Variants in IAPP observed in about 807,000 individuals in gnomAD.
The protein encoded by IAPP is islet amyloid polypeptide.
In IAPP, 4 loss-of-function variants were observed where a neutral mutation model predicts 2.9. The ratio of observed to expected loss-of-function variants is 1.39; its 90% CI spans 0.69 to 3.19. The LOEUF is 3.19. Among genes scored for constraint, IAPP ranks in the 30% most tolerant of loss-of-function variants. IAPP has a pLI of 0.01. For missense variants in IAPP, 114 were observed against 105.3 expected, an observed-to-expected ratio of 1.08 and a Z score of -0.36; for synonymous variants, 40 against 42.1, an observed-to-expected ratio of 0.95 and a Z score of 0.19.
chr12:21,361,154 C>A (rs1938834852), intron 1 of IAPP, among the ~76,000 whole-genome samples: 6 of 134,700 alleles, frequency 4.5e-5, no homozygotes, highest in Admixed American at 2.8e-4. Context: ...CCGACAGACA[C>A]CTCATACGGG....
At chr12:21,369,020 T>C (rs1241398414), upstream of IAPP, among the ~76,000 whole-genome samples, 2 of 152,098 alleles carry the variant, frequency 1.3e-5, no homozygotes, top group Non-Finnish European at 2.9e-5. Context: ...TAAAACTGTG[T>C]GGAGAGCAAA....
chr12:21,375,732 T>G (rs1043745659), intron 2 of IAPP, among the ~76,000 whole-genome samples: 45 of 152,232 alleles, frequency 3.0e-4, no homozygotes, highest in Non-Finnish European at 4.0e-4. Context: ...TTTTGAAAAC[T>G]CTGGAGAGAC....
At chr12:21,362,409 T>G (rs1035886476) in intron 1 of IAPP, among the ~76,000 whole-genome samples, 5 of 152,016 alleles carry the variant, frequency 3.3e-5, no homozygotes, top group African/African-American at 1.2e-4. Context: ...GCACTAAACA[T>G]GGAAAGGAAC....
rs1800203 is a variant in IAPP at position 21,378,313 on chromosome 12, A to G, written c.157A>G (p.Ser53Gly). The G allele has an allele frequency of 2.4e-4, 383 of 1,614,220 alleles. 3 individuals carry two copies. In the East Asian group the frequency reaches 7.0e-3, roughly 29 times the overall value. The change falls in exon 3 of 3, where the codon AGC (serine) becomes GGC (glycine). Residue 53 changes from serine (S) to glycine (G), a missense_variant. Coordinates refer to ENST00000240652, the MANE Select transcript of IAPP (RefSeq NM_000415.3). ...QRLANFLVHS[S>G]NNFGAILSST... is the part of the protein sequence containing the mutation. ...CCTGGCAAATTTTTTAGTTCATTCC[A>G]GCAACAACTTTGGTGCCATTCTCTC...
At chr12:21,364,023 G>A (rs767656010) in intron 1 of IAPP, among the ~76,000 whole-genome samples, 1 of 152,188 alleles carries the variant, frequency 6.6e-6, no homozygotes, top group Non-Finnish European at 1.5e-5. Flanking sequence ...TAGAAAAAGA[G>A]GGAATCCTCC....
intron 1 of IAPP, among the ~76,000 whole-genome samples, chr12:21,361,473 G>C (rs141204352): frequency 6.6e-6 from 1 of 152,112 alleles, no homozygotes; most frequent in Non-Finnish European, 1.5e-5. Context: ...AAAAATTAGC[G>C]CACCTCTTCT....
chr12:21,358,958 A>G (rs370021345), intron 1 of IAPP, among the ~76,000 whole-genome samples: 6 of 152,214 alleles, frequency 3.9e-5, no homozygotes, highest in Admixed American at 2.0e-4. Flanking sequence ...ATATTCACAT[A>G]TATTTGGAAG....
intron 1 of IAPP, among the ~76,000 whole-genome samples, chr12:21,366,246 A>G (rs536986359): frequency 4.9e-4 from 75 of 152,286 alleles, no homozygotes; most frequent in African/African-American, 1.7e-3. Flanking sequence ...CATATCCTTT[A>G]TAGAGACATG....
intron 2 of IAPP, among the ~76,000 whole-genome samples, chr12:21,377,123 T>C (rs1940255984): frequency 6.6e-6 from 1 of 152,206 alleles, no homozygotes; most frequent in African/African-American, 2.4e-5. Context: ...AGTATTATTA[T>C]GCACTTCTTC....
intron 1 of IAPP, among the ~76,000 whole-genome samples, chr12:21,359,798 C>A (rs1191700091): frequency 6.6e-6 from 1 of 150,750 alleles, no homozygotes; most frequent in Non-Finnish European, 1.5e-5. Context: ...CATACTTAAA[C>A]AAGAGAAAAG....
chr12:21,355,117 AT>A (rs1246825939), intron 1 of IAPP: 2 of 152,208 alleles, frequency 1.3e-5, no homozygotes, highest in African/African-American at 2.4e-5. Context: ...TTTCTTTATC[AT>A]ATGATCCATG....
chr12:21,360,763 C>G (rs112015063), intron 1 of IAPP, among the ~76,000 whole-genome samples: 1 of 152,210 alleles, frequency 6.6e-6, no homozygotes, highest in Non-Finnish European at 1.5e-5. Context: ...TTGGAGGCTC[C>G]CACACCCACG....
upstream of IAPP, among the ~76,000 whole-genome samples, chr12:21,371,233 G>A (rs866398329): frequency 1.3e-5 from 2 of 152,132 alleles, no homozygotes; most frequent in Non-Finnish European, 2.9e-5. Flanking sequence ...ACACTAGGGG[G>A]CGTGTCTTAT....
chr12:21,362,381 C>CAAG (rs1938978922), intron 1 of IAPP, among the ~76,000 whole-genome samples: 2 of 152,094 alleles, frequency 1.3e-5, no homozygotes, highest in Admixed American at 1.3e-4. Flanking sequence ...GCCTGACTTA[C>CAAG]AAGAGCTCCT....
At chr12:21,360,194 A>C (rs1231768043) in intron 1 of IAPP, among the ~76,000 whole-genome samples, 1 of 152,196 alleles carries the variant, frequency 6.6e-6, no homozygotes. Context: ...AGGTTACAAG[A>C]CAACATTTTA....
intron 2 of IAPP, chr12:21,374,641 T>G (rs1940055392): frequency 1.3e-5 from 2 of 152,196 alleles, no homozygotes; most frequent in Non-Finnish European, 2.9e-5. Flanking sequence ...TGCTTTTTCA[T>G]AAAAATAACT....
chr12:21,365,738 G>C (rs1939323701), intron 1 of IAPP, among the ~76,000 whole-genome samples: 1 of 152,118 alleles, frequency 6.6e-6, no homozygotes, highest in Non-Finnish European at 1.5e-5. Flanking sequence ...AGTGGGTGAA[G>C]GATATGAACA....
intron 1 of IAPP, among the ~76,000 whole-genome samples, chr12:21,364,036 C>A (rs539212904): frequency 0.026 from 3,977 of 152,112 alleles, 79 homozygotes; most frequent in Non-Finnish European, 0.04. Context: ...AATCCTCCCT[C>A]AGTCATTTTA....
In IAPP at chr12:21,362,274, C is replaced by G. The variant is rs147258477; in HGVS notation, c.-16+7261C>G. On this transcript the variant is annotated intron_variant, in intron 1 of 2. Coordinates refer to the IAPP transcript ENST00000539393. ...ATTCTTAAAGAAAAGAATTTTCAAC[C>G]CAGAATTTCATACCCAGTCAAACTA... Among the ~76,000 whole-genome samples the G allele has an allele frequency of 3.6e-4, 55 of 152,130 alleles. 1 individual carries two copies. In the East Asian group the frequency reaches 8.3e-3, roughly 23 times the overall value.
Sources: allele counts gnomAD v4.1 joint callset (sites outside exome capture counted in the v4.1 genomes callset), GRCh38; gene constraint gnomAD v4.1.1; transcripts MANE v1.5; gene names NCBI Gene and HGNC (gene_info 2026-07-23, HGNC 2026-07-21).